The following PCDH11Y variants were observed in gnomAD, a reference collection of about 807,000 sequenced individuals.
The protein encoded by PCDH11Y is protocadherin-11 Y-linked.
For synonymous variants in PCDH11Y, 9 were observed against 83.6 expected (o/e 0.11, Z 4.87); for missense variants, 12 against 224.8 (o/e 0.05, Z 6.05).
intron 2 of PCDH11Y, among the ~76,000 whole-genome samples, chrY:5,353,749 C>T: frequency 6.1e-5 from 2 of 32,588 alleles, no homozygotes; most frequent in Non-Finnish European, 1.5e-4. Context: ...CCTGTAATCC[C>T]AGCACTTTGG....
intron 2 of PCDH11Y, among the ~76,000 whole-genome samples, chrY:5,237,866 G>C: frequency 3.1e-5 from 1 of 32,421 alleles, no homozygotes; most frequent in African/African-American, 1.2e-4. Flanking sequence ...AACTTACAAG[G>C]GATGTGAAGG....
At chrY:5,371,235 G>A in intron 2 of PCDH11Y, among the ~76,000 whole-genome samples, 1 of 32,469 alleles carries the variant, frequency 3.1e-5, no homozygotes, top group African/African-American at 1.2e-4. Flanking sequence ...GCTTGCTTTT[G>A]GGGGGTGGGG....
chrY:5,681,852 C>A (rs2053558719), intron 4 of PCDH11Y, among the ~76,000 whole-genome samples: 1 of 31,630 alleles, frequency 3.2e-5, no homozygotes, highest in African/African-American at 1.2e-4. Flanking sequence ...CAGGTCAAAT[C>A]TTGAATGCTT....
chrY:5,045,625 G>A, intron 3 of PCDH11Y, among the ~76,000 whole-genome samples: 1 of 32,289 alleles, frequency 3.1e-5, no homozygotes, highest in Non-Finnish European at 7.5e-5. Flanking sequence ...TCTTTGTGGC[G>A]TTCTCTGTAT....
At chrY:5,690,469 G>A in intron 4 of PCDH11Y, among the ~76,000 whole-genome samples, 1 of 32,289 alleles carries the variant, frequency 3.1e-5, no homozygotes, top group South Asian at 6.8e-4. Flanking sequence ...TTTACTTTGT[G>A]ACTTTGGCCA....
At chrY:5,572,272 G>T in intron 3 of PCDH11Y, among the ~76,000 whole-genome samples, 1 of 27,416 alleles carries the variant, frequency 3.6e-5, no homozygotes, top group African/African-American at 1.5e-4. Flanking sequence ...CACTTAGATT[G>T]CTTTCATTTC....
chrY:5,482,172 G>T, intron 2 of PCDH11Y, among the ~76,000 whole-genome samples: 13 of 31,030 alleles, frequency 4.2e-4, no homozygotes, highest in African/African-American at 1.6e-3. Flanking sequence ...GCTAATTTTT[G>T]TATTTTTAGT....
intron 2 of PCDH11Y, among the ~76,000 whole-genome samples, chrY:5,195,184 A>G (rs2052917426): frequency 3.0e-5 from 1 of 33,628 alleles, no homozygotes; most frequent in Non-Finnish European, 7.3e-5. Flanking sequence ...TAGCAATAAG[A>G]TAAAAGTTCC....
At chrY:5,512,027 C>T in intron 3 of PCDH11Y, among the ~76,000 whole-genome samples, 1 of 32,835 alleles carries the variant, frequency 3.0e-5, no homozygotes, top group Non-Finnish European at 7.4e-5. Context: ...TCTGCTCCTT[C>T]CTAGTAGTAT....
chrY:5,331,438 G>A (rs2053131392), intron 2 of PCDH11Y, among the ~76,000 whole-genome samples: 18 of 33,005 alleles, frequency 5.5e-4, no homozygotes, highest in Non-Finnish European at 1.0e-3. Context: ...ACCAGCATTA[G>A]CATCAACACA....
intron 2 of PCDH11Y, among the ~76,000 whole-genome samples, chrY:5,256,628 A>G: frequency 3.0e-5 from 1 of 33,456 alleles, no homozygotes; most frequent in Non-Finnish European, 7.4e-5. Flanking sequence ...TGGAGATTGC[A>G]TTGAGTAGTG....
At chrY:5,385,308 T>TC (rs2053212573) in intron 2 of PCDH11Y, among the ~76,000 whole-genome samples, 1 of 30,083 alleles carries the variant, frequency 3.3e-5, no homozygotes, top group Non-Finnish European at 7.9e-5. Context: ...TCCCACCCTT[T>TC]CCCCCTGAGT....
intron 4 of PCDH11Y, among the ~76,000 whole-genome samples, chrY:5,665,856 T>A (rs113883785): frequency 3.9e-4 from 13 of 33,695 alleles, no homozygotes; most frequent in Non-Finnish European, 7.4e-4. Context: ...ATAATCCATT[T>A]AGGTGGAGAA....
exon 5 of PCDH11Y, chrY:5,738,073 C>A: frequency 4.8e-6 from 1 of 210,368 alleles, no homozygotes; most frequent in Non-Finnish European, 7.9e-6. Context: ...CAGAATAAAT[C>A]TACAGCTAGA....
chrY:5,209,296 G>A (rs2052935899), intron 2 of PCDH11Y, among the ~76,000 whole-genome samples: 1 of 33,210 alleles, frequency 3.0e-5, no homozygotes, highest in Non-Finnish European at 7.4e-5. Flanking sequence ...TCTCAGGAGA[G>A]CCCTTCTCCC....
intron 4 of PCDH11Y, among the ~76,000 whole-genome samples, chrY:5,615,701 T>C: frequency 3.0e-5 from 1 of 33,632 alleles, no homozygotes; most frequent in East Asian, 7.8e-4. Flanking sequence ...GGTGTATCAT[T>C]CCTAGCAGCT....
At chrY:5,403,487 A>T (rs1272974709) in intron 2 of PCDH11Y, among the ~76,000 whole-genome samples, 6 of 32,249 alleles carry the variant, frequency 1.9e-4, no homozygotes, top group Admixed American at 1.7e-3. Flanking sequence ...TATTACTATT[A>T]TATGCGTTAT....
At chrY:5,372,484 G>C in intron 2 of PCDH11Y, among the ~76,000 whole-genome samples, 1 of 32,153 alleles carries the variant, frequency 3.1e-5, no homozygotes, top group Admixed American at 2.8e-4. Flanking sequence ...CTAATATCCA[G>C]CAGAGAACTC....
At position 5,293,660 on chromosome Y, in the gene PCDH11Y, G is replaced by C; in HGVS notation, c.3129+192953G>C. Among the ~76,000 whole-genome samples the C allele has an allele frequency of 1.3e-4, 4 of 30,962 alleles. No homozygotes were observed. The East Asian group carries it at 3.4e-3, about 26-fold the overall frequency. 83.1% of individuals were successfully genotyped at this position (30,962 alleles called of 37,273 possible). A position where few individuals can be genotyped will look rare whatever the true frequency, so the allele number is the denominator to read the frequency against. On this transcript the variant is annotated intron_variant, in intron 2 of 4. Coordinates refer to the PCDH11Y transcript ENST00000400457. ...GGAATATCTGTCCAATCCTGAAAGCGGGGTGAAGTCTCTAACTATTATTGT... is the reference window on the plus strand; with the variant it reads ...GGAATATCTGTCCAATCCTGAAAGCCGGGTGAAGTCTCTAACTATTATTGT...
Sources: gnomAD v4.1 joint callset for allele counts (sites outside exome capture counted in the v4.1 genomes callset) on GRCh38, gnomAD v4.1.1 for gene constraint, MANE v1.5 for transcripts, NCBI Gene and HGNC (gene_info 2026-07-23, HGNC 2026-07-21) for gene names.